The following CEP41 variants were observed in gnomAD, a reference collection of about 807,000 sequenced individuals.
The protein encoded by CEP41 is centrosomal protein of 41 kDa.
In CEP41, 32 loss-of-function variants were observed where a neutral mutation model predicts 44.3. That is an observed-to-expected ratio of 0.72 (90% confidence interval 0.54 to 0.97). The LOEUF (loss-of-function observed/expected upper bound fraction) is 0.97. Among genes scored for constraint, CEP41 ranks in the 50% least tolerant of loss-of-function variants. The pLI is 0.00. For missense variants in CEP41, 432 were observed against 455.2 expected (o/e 0.95, Z 0.46); for synonymous variants, 151 against 168.5 (o/e 0.90, Z 0.80).
chr7:130,419,022 C>G, intron 2 of CEP41: 3 of 969,278 alleles, frequency 3.1e-6, no homozygotes, highest in Non-Finnish European at 3.7e-6. Context: ...AGTGTCTACA[C>G]TTCATTTCTC....
At chr7:130,432,906 T>C (rs1194200495) in intron 1 of CEP41, among the ~76,000 whole-genome samples, 2 of 152,144 alleles carry the variant, frequency 1.3e-5, no homozygotes, top group Non-Finnish European at 2.9e-5. Flanking sequence ...AACAAAATCA[T>C]GCTGAGGAGA....
intron 5 of CEP41, among the ~76,000 whole-genome samples, chr7:130,405,498 T>A (rs1554418034): frequency 6.6e-6 from 1 of 152,216 alleles, no homozygotes; most frequent in African/African-American, 2.4e-5. Context: ...ATATTTGCCA[T>A]CAGGAACCGA....
At chr7:130,426,042 G>A (rs868985817) in intron 2 of CEP41, among the ~76,000 whole-genome samples, 63 of 152,334 alleles carry the variant, frequency 4.1e-4, no homozygotes, top group African/African-American at 1.4e-3. Flanking sequence ...AGGAATCCGT[G>A]TGGTGATGGA....
At chr7:130,429,226 C>T (rs1797756293) in intron 1 of CEP41, among the ~76,000 whole-genome samples, 1 of 152,210 alleles carries the variant, frequency 6.6e-6, no homozygotes, top group African/African-American at 2.4e-5. Flanking sequence ...GCTCCCGCTG[C>T]TCCCCAGAGT....
intron 2 of CEP41, among the ~76,000 whole-genome samples, chr7:130,422,182 G>A: frequency 6.6e-6 from 1 of 152,208 alleles, no homozygotes. Flanking sequence ...TGTGATTTGG[G>A]TGAAGACAGG....
chr7:130,402,028 C>A, intron 7 of CEP41, 80 bp from the exon 8 acceptor site: 1 of 953,666 alleles, frequency 1.0e-6, no homozygotes, highest in Non-Finnish European at 1.7e-6. Context: ...GGTTTAAAAT[C>A]TAAGAGTTAA....
At chr7:130,436,075 AC>A (rs1254031169) in intron 1 of CEP41, among the ~76,000 whole-genome samples, 1 of 152,146 alleles carries the variant, frequency 6.6e-6, no homozygotes, top group Non-Finnish European at 1.5e-5. Flanking sequence ...AATCACTTGA[AC>A]CCAGGCAGCA....
chr7:130,433,469 G>A (rs759223713), intron 1 of CEP41, among the ~76,000 whole-genome samples: 3 of 152,134 alleles, frequency 2.0e-5, no homozygotes. Flanking sequence ...ATCTATTTAA[G>A]ATAAAGATAT....
upstream of CEP41, chr7:130,441,315 G>T: frequency 2.2e-6 from 1 of 458,416 alleles, no homozygotes; most frequent in Non-Finnish European, 4.0e-6. Flanking sequence ...TGGCTTGAGA[G>T]CCGGGACAAA....
intron 2 of CEP41, among the ~76,000 whole-genome samples, chr7:130,424,048 T>C (rs1797588722): frequency 6.6e-6 from 1 of 152,176 alleles, no homozygotes; most frequent in Non-Finnish European, 1.5e-5. Flanking sequence ...AATATGATTA[T>C]TCTAAAATTC....
chr7:130,440,888 G>T (rs1484372531), intron 1 of CEP41, 46 bp downstream of exon 1: 2 of 1,593,146 alleles, frequency 1.3e-6, no homozygotes, highest in African/African-American at 1.4e-5. Context: ...AGCCTTTTCC[G>T]GTGCGCCCGC....
intron 4 of CEP41, 102 bp from the exon 5 acceptor site, chr7:130,411,293 T>A: frequency 5.2e-6 from 5 of 953,018 alleles, no homozygotes; most frequent in Non-Finnish European, 8.4e-6. Flanking sequence ...ATCAAAGATC[T>A]GTTGTTTTAA....
rs1014058037 is a variant in CEP41, at chr7:130,395,820, T to C, written c.*3071A>G. On this transcript the variant is annotated 3_prime_UTR_variant, in exon 11 of 11. Coordinates refer to ENST00000223208, the MANE Select transcript of CEP41 (RefSeq NM_018718.3). ...CTAATGAATGTTATTTGGTCTCTTT[T>C]CATTCGGATTTATACCAAGCCCAAT... 6 of 453,650 alleles carry C rather than the reference T, an allele frequency of 1.3e-5. No individual in the cohort carries two copies. The highest frequency in any genetic ancestry group is 1.2e-4 in the Admixed American group (5 of 42,536). 28.1% of individuals were successfully genotyped at this position (453,650 alleles called of 1,614,324 possible).
chr7:130,404,048 T>A (rs756386021), intron 6 of CEP41, among the ~76,000 whole-genome samples: 1 of 152,276 alleles, frequency 6.6e-6, no homozygotes, highest in African/African-American at 2.4e-5. Flanking sequence ...ATCCTTGGAA[T>A]AAGGAGGCCC....
At chr7:130,432,295 A>G (rs1326021244) in intron 1 of CEP41, among the ~76,000 whole-genome samples, 1 of 152,212 alleles carries the variant, frequency 6.6e-6, no homozygotes, top group East Asian at 1.9e-4. Flanking sequence ...AGACCGTTTC[A>G]AGAAATCTTT....
intron 8 of CEP41, among the ~76,000 whole-genome samples, chr7:130,401,370 AG>A (rs1554416878): frequency 6.6e-6 from 1 of 152,196 alleles, no homozygotes; most frequent in African/African-American, 2.4e-5. Context: ...ATATATAGTA[AG>A]GTTTCAACTT....
chr7:130,417,549 C>G (rs1244102150), intron 2 of CEP41, among the ~76,000 whole-genome samples: 3 of 152,156 alleles, frequency 2.0e-5, no homozygotes, highest in Non-Finnish European at 4.4e-5. Context: ...GAAATAACAG[C>G]AGATTCTTGA....
At position 130,398,593 on chromosome 7, in the gene CEP41, C is replaced by A. The variant is rs782718059; in HGVS notation, c.*298G>T. 3.6e-6 allele frequency: 2 copies of A among 553,164 alleles called. No individual in the cohort carries two copies. The highest frequency in any genetic ancestry group is 1.5e-5 in the South Asian group (1 of 65,474). 34.3% of individuals were successfully genotyped at this position (553,164 alleles called of 1,614,324 possible). On this transcript the variant is annotated 3_prime_UTR_variant, in exon 11 of 11. Coordinates refer to ENST00000223208, the MANE Select transcript of CEP41 (RefSeq NM_018718.3). ...ATTAAAAAAAAACAAAACAAAAAAA[C>A]TAAAAACGTAGATACTTTTTTCCTA...
Position 130,402,352 on chromosome 7 carries a change from AAC to A in CEP41, c.574+294_574+295del, listed in dbSNP as rs1304383077. On this transcript the variant is annotated intron_variant, in intron 7 of 10. Coordinates refer to ENST00000223208, the MANE Select transcript of CEP41 (RefSeq NM_018718.3). ...CAGAGCAAGGTATTAACAAAAAAAA[AAC>A]AAAAAAAAAAATCAACAAGCCATAA... Among the ~76,000 whole-genome samples the A allele has an allele frequency of 1.1e-3, 161 of 150,370 alleles. 8 individuals are homozygous for A. Among genetic ancestry groups the A allele is most frequent in the Middle Eastern group, 3.4e-3 (1 of 294 alleles).
Sources: allele counts gnomAD v4.1 joint callset (sites outside exome capture counted in the v4.1 genomes callset), GRCh38; gene constraint gnomAD v4.1.1; transcripts MANE v1.5; gene names NCBI Gene and HGNC (gene_info 2026-07-23, HGNC 2026-07-21).